RNF150: variants seen among roughly 807,000 people sequenced by gnomAD.
RNF150 encodes ring finger protein 150.
RNF150 carries 24 observed loss-of-function variants against 39.3 expected under a neutral mutation model. The observed-to-expected ratio is 0.61, with a 90% confidence interval of 0.44 to 0.86. RNF150 has a LOEUF of 0.86. Ranked by LOEUF, RNF150 falls within the 40% of genes least tolerant of loss-of-function variation. RNF150 has a pLI of 0.00. For synonymous variants in RNF150, 255 were observed against 227.3 expected (o/e 1.12, Z -1.10); for missense variants, 502 against 587.8 (o/e 0.85, Z 1.51).
At chr4:141,102,781 T>G (rs185661184) in intron 1 of RNF150, among the ~76,000 whole-genome samples, 28 of 152,342 alleles carry the variant, frequency 1.8e-4, no homozygotes, top group South Asian at 6.2e-4. Context: ...CATGGTTTCC[T>G]AAGCGGTTGT....
At chr4:140,896,996 A>G (rs1729985122) in intron 6 of RNF150, among the ~76,000 whole-genome samples, 1 of 152,114 alleles carries the variant, frequency 6.6e-6, no homozygotes, top group Admixed American at 6.6e-5. Context: ...ACCTACTTGT[A>G]TTTTCTATCA....
intron 6 of RNF150, among the ~76,000 whole-genome samples, chr4:140,903,049 G>C (rs1260397156): frequency 6.6e-6 from 1 of 152,180 alleles, no homozygotes; most frequent in African/African-American, 2.4e-5. Context: ...GTGAGACTTG[G>C]AAAGGTGCTA....
intron 2 of RNF150, among the ~76,000 whole-genome samples, chr4:140,963,363 G>GT (rs1195339615): frequency 1.3e-5 from 2 of 151,962 alleles, no homozygotes; most frequent in Non-Finnish European, 2.9e-5. Flanking sequence ...CGAGTGCAGT[G>GT]TTACCCAATA....
chr4:141,162,501 G>A (rs1251354741), intron 1 of RNF150, among the ~76,000 whole-genome samples: 6 of 152,002 alleles, frequency 3.9e-5, no homozygotes, highest in Non-Finnish European at 7.4e-5. Flanking sequence ...AAGCATTTGT[G>A]GGGGACCTCT....
intron 1 of RNF150, among the ~76,000 whole-genome samples, chr4:141,092,253 G>T (rs1275182281): frequency 6.6e-6 from 1 of 151,928 alleles, no homozygotes; most frequent in Non-Finnish European, 1.5e-5. Context: ...TGAGGCAGGA[G>T]AATTACTTGA....
chr4:141,132,681 A>G lies in RNF150; in HGVS notation c.128T>C (p.Phe43Ser). Reference sequence around the variant, plus strand: ...GGGCTCGGCGTAGGTGATGTTCACGAAGGCGGTGTACCATTCCTCCTTCTC... The same window carrying G: ...GGGCTCGGCGTAGGTGATGTTCACGGAGGCGGTGTACCATTCCTCCTTCTC... The part of the protein sequence containing the change: ...VAEKEEWYTA[F>S]VNITYAEPAP... Residue 43 changes from phenylalanine (F) to serine (S), a missense_variant, in exon 1 of 7, where the codon TTC becomes TCC. Phe to Ser is a radical substitution (Grantham distance 155, BLOSUM62 -2). Coordinates refer to ENST00000515673, the MANE Select transcript of RNF150 (RefSeq NM_020724.2). This position sits in a 1 kb window ranked among gnomAD's most constrained non-coding sequence, Gnocchi z 4.9. The G allele has an allele frequency of 6.2e-7, 1 of 1,607,640 alleles. No individual in the cohort carries two copies. Among genetic ancestry groups the G allele is most frequent in the Non-Finnish European group, 8.5e-7 (1 of 1,177,638 alleles).
intron 5 of RNF150, among the ~76,000 whole-genome samples, chr4:140,914,148 T>C (rs549711827): frequency 3.3e-4 from 50 of 152,332 alleles, no homozygotes; most frequent in African/African-American, 1.1e-3. Context: ...TTTTGTGGGA[T>C]AGTAGGAATA....
At chr4:140,928,792 C>T (rs570520882) in intron 4 of RNF150, among the ~76,000 whole-genome samples, 60 of 152,052 alleles carry the variant, frequency 3.9e-4, no homozygotes, top group Admixed American at 1.1e-3. Flanking sequence ...GTGATCCACC[C>T]GCCTCAGCCT....
intron 1 of RNF150, among the ~76,000 whole-genome samples, chr4:140,977,936 G>C (rs1309025256): frequency 6.6e-6 from 1 of 152,092 alleles, no homozygotes; most frequent in Non-Finnish European, 1.5e-5. Flanking sequence ...GTACTATCCT[G>C]AAATATGTAT....
intron 1 of RNF150, among the ~76,000 whole-genome samples, chr4:141,187,586 A>T (rs1175557315): frequency 6.6e-6 from 1 of 152,128 alleles, no homozygotes. Context: ...TGTTGCATTG[A>T]TCCCTTTACC....
chr4:141,141,368 G>C (rs1727114617), intron 1 of RNF150, among the ~76,000 whole-genome samples: 1 of 151,728 alleles, frequency 6.6e-6, no homozygotes, highest in African/African-American at 2.4e-5. Flanking sequence ...TGTTACTGTT[G>C]CTGCTAGGCT....
intron 2 of RNF150, among the ~76,000 whole-genome samples, chr4:140,966,753 A>G (rs1049009465): frequency 3.3e-5 from 5 of 152,120 alleles, no homozygotes; most frequent in African/African-American, 1.2e-4. Flanking sequence ...TTGGTTCAAC[A>G]TTTTTTGGCA....
At chr4:141,205,446 A>C (rs1414651443) in intron 1 of RNF150, among the ~76,000 whole-genome samples, 1 of 152,192 alleles carries the variant, frequency 6.6e-6, no homozygotes, top group Non-Finnish European at 1.5e-5. Flanking sequence ...TTGGAAAGGC[A>C]AAATTAGAGA....
intron 6 of RNF150, among the ~76,000 whole-genome samples, chr4:140,873,909 AG>A (rs1248658918): frequency 6.6e-6 from 1 of 152,142 alleles, no homozygotes; most frequent in African/African-American, 2.4e-5. Flanking sequence ...CCTGGGCTCA[AG>A]CAATCCTCCT....
intron 1 of RNF150, among the ~76,000 whole-genome samples, chr4:141,054,325 A>G (rs1335956022): frequency 6.6e-6 from 1 of 152,188 alleles, no homozygotes; most frequent in African/African-American, 2.4e-5. Flanking sequence ...ATGCTACAAT[A>G]TGCATCATTT....
In RNF150 at chr4:141,027,952, T is replaced by TTTTTTTTTTTTTTTTTTTTTTTTG. The variant is rs1553938684; in HGVS notation, c.485-60080_485-60079insCAAAAAAAAAAAAAAAAAAAAAAA. ...TTTTTTTTTTTTTTTTTTTTTTTTT[T>TTTTTTTTTTTTTTTTTTTTTTTTG]CAATCCTGCTGGATCAAGATGTATA... On this transcript the variant is annotated intron_variant, in intron 1 of 6. Transcript: ENST00000515673. Among the ~76,000 whole-genome samples, 8 of 71,618 alleles carry TTTTTTTTTTTTTTTTTTTTTTTTG rather than the reference T, an allele frequency of 1.1e-4. 1 individual carries two copies. The highest frequency in any genetic ancestry group is 1.9e-4 in the African/African-American group (4 of 21,606). The allele number at this position is 71,618 out of a possible 152,430, so 47.0% of individuals were successfully genotyped here.
At chr4:141,180,550 C>A (rs1340321008) in intron 1 of RNF150, among the ~76,000 whole-genome samples, 1 of 151,990 alleles carries the variant, frequency 6.6e-6, no homozygotes, top group Admixed American at 6.6e-5. Context: ...TGGAACTCTG[C>A]TTAGTCTTTT....
At chr4:141,188,286 C>T (rs1728047738) in intron 1 of RNF150, among the ~76,000 whole-genome samples, 1 of 152,144 alleles carries the variant, frequency 6.6e-6, no homozygotes, top group African/African-American at 2.4e-5. Context: ...AACATTTTTT[C>T]CTTCGTTTCA....
At chr4:140,899,784 T>G (rs974723604) in intron 6 of RNF150, among the ~76,000 whole-genome samples, 2 of 151,842 alleles carry the variant, frequency 1.3e-5, no homozygotes, top group Non-Finnish European at 2.9e-5. Context: ...CTAAATCACT[T>G]CAGCTGCAAT....
Sources: allele counts gnomAD v4.1 joint callset (sites outside exome capture counted in the v4.1 genomes callset), GRCh38; gene constraint gnomAD v4.1.1; non-coding constraint Gnocchi (gnomAD v3.1); transcripts MANE v1.5; gene names NCBI Gene and HGNC (gene_info 2026-07-23, HGNC 2026-07-21).